The following ADGRA3 variants were observed in gnomAD, a reference collection of about 807,000 sequenced individuals.
The protein encoded by ADGRA3 is G-protein coupled receptor 125.
ADGRA3 carries 56 observed loss-of-function variants against 119.8 expected under a neutral mutation model. The ratio of observed to expected loss-of-function variants is 0.47; its 90% CI spans 0.38 to 0.58. ADGRA3 has a LOEUF of 0.58. Among genes scored for constraint, ADGRA3 ranks in the 20% least tolerant of loss-of-function variants. ADGRA3 has a pLI of 0.00. For synonymous variants in ADGRA3, 607 were observed against 623.8 expected (o/e 0.97, Z 0.40); for missense variants, 1,516 against 1,649.0 (o/e 0.92, Z 1.40).
rs772250586 is a variant in ADGRA3, at chr4:22,388,068, G to T, written c.3603C>A (p.Ser1201Arg). 2 of 1,613,996 alleles carry T rather than the reference G, an allele frequency of 1.2e-6. No individual in the cohort carries two copies. The highest frequency in any genetic ancestry group is 1.7e-5 in the Admixed American group (1 of 59,994). Residue 1201 changes from serine (S) to arginine (R), a missense_variant, in exon 19 of 19, where the codon AGC (serine) becomes AGA (arginine). By Grantham distance (110) the Ser-to-Arg change is moderately radical. Coordinates refer to ENST00000334304, the MANE Select transcript of ADGRA3 (RefSeq NM_145290.4). Reference protein sequence around the residue: ...AYDVPTSVEGSVQNGLPKSRL... With the variant: ...AYDVPTSVEGRVQNGLPKSRL... ...GGCTTTTAGGTAAGCCGTTCTGCAC[G>T]CTTCCTTCCACGCTCGTTGGGACAT...
intron 4 of ADGRA3, among the ~76,000 whole-genome samples, chr4:22,450,760 T>G (rs577558082): frequency 5.9e-5 from 9 of 152,110 alleles, no homozygotes; most frequent in African/African-American, 1.9e-4. Context: ...AATGACTAAG[T>G]TACAATCTGT....
intron 1 of ADGRA3, among the ~76,000 whole-genome samples, chr4:22,495,635 G>A (rs1476401476): frequency 7.9e-5 from 12 of 152,016 alleles, no homozygotes; most frequent in African/African-American, 7.3e-5. Context: ...TAGGCCGGGC[G>A]TGGTGGCTCA....
At position 22,387,851 on chromosome 4, in the gene ADGRA3, G is replaced by A; in HGVS notation, c.3820C>T (p.Leu1274Phe). ...CCATAAGATTTTTGCTGATTTTCAA[G>A]TTCAACCACAGCTGGCTTCCTTAAC... Reference protein sequence around the residue: ...DALRKPAVVELENQQKSYGLN... With the variant: ...DALRKPAVVEFENQQKSYGLN... Residue 1274 changes from leucine (L) to phenylalanine (F), a missense_variant, in exon 19 of 19, where the codon CTT becomes TTT. Leu to Phe is a conservative substitution (Grantham distance 22, BLOSUM62 0). Around this residue, in one of 2 missense-constraint regions of ADGRA3, gnomAD observed 1,088 missense variants for 1,107.1 expected, o/e 0.98. Coordinates refer to ENST00000334304, the MANE Select transcript of ADGRA3 (RefSeq NM_145290.4). The A allele has an allele frequency of 1.9e-6, 3 of 1,614,120 alleles. No individual in the cohort carries two copies. The highest frequency in any genetic ancestry group is 2.5e-6 in the Non-Finnish European group (3 of 1,179,990).
chr4:22,389,275 T>A, intron 17 of ADGRA3, 92 bp from the exon 18 acceptor site: 1 of 819,250 alleles, frequency 1.2e-6, no homozygotes, highest in Middle Eastern at 2.4e-4. Flanking sequence ...AGTCATTCCC[T>A]GAAGATTAAT....
rs894573575 is a variant in ADGRA3 at position 22,488,696 on chromosome 4, A to G, written c.258-14853T>C. ...GGGGACAGAAAGTAACAGTACAGAA[A>G]TACAAAAGCAGACAGACCTGAGTCA... On this transcript the variant is annotated intron_variant, in intron 1 of 18. Transcript: ENST00000334304. Among the ~76,000 whole-genome samples the G allele has an allele frequency of 1.3e-5, 2 of 152,366 alleles. 1 individual carries two copies. Among genetic ancestry groups the G allele is most frequent in the East Asian group, 3.9e-4 (2 of 5,188 alleles).
chr4:22,440,712 C>T (rs775400085), intron 7 of ADGRA3, among the ~76,000 whole-genome samples: 11 of 152,114 alleles, frequency 7.2e-5, no homozygotes, highest in Admixed American at 5.9e-4. Context: ...CAAAGCTCTT[C>T]TACATAGAAA....
At chr4:22,458,879 A>T (rs1419103543) in intron 3 of ADGRA3, among the ~76,000 whole-genome samples, 1 of 152,156 alleles carries the variant, frequency 6.6e-6, no homozygotes, top group Non-Finnish European at 1.5e-5. Context: ...TAGTAGCAAG[A>T]TCTCCTCCAG....
At chr4:22,475,277 T>C (rs554268495) in intron 1 of ADGRA3, among the ~76,000 whole-genome samples, 1 of 152,296 alleles carries the variant, frequency 6.6e-6, no homozygotes, top group African/African-American at 2.4e-5. Context: ...ACATACTCAA[T>C]GAGTATCCAT....
In ADGRA3 at chr4:22,387,877, G is replaced by C. The variant is rs564104204; in HGVS notation, c.3794C>G (p.Ala1265Gly). 1.3e-5 allele frequency: 21 copies of C among 1,613,946 alleles called. No individual in the cohort carries two copies. Among genetic ancestry groups the C allele is most frequent in the Non-Finnish European group, 1.8e-5 (21 of 1,179,994 alleles). The change falls in exon 19 of 19, where the codon GCG becomes GGG. Residue 1265 changes from alanine to glycine, a missense_variant. Transcript: ENST00000334304. ...TTCAACCACAGCTGGCTTCCTTAACGCATCTTTTTTACTAGTGGTTGAAAC... is the reference window on the plus strand; with the variant it reads ...TTCAACCACAGCTGGCTTCCTTAACCCATCTTTTTTACTAGTGGTTGAAAC... ...KPVSTTSKKD[A>G]LRKPAVVELE... is the part of the protein sequence containing the mutation.
chr4:22,424,319 T>C lies in ADGRA3; in HGVS notation c.1477A>G (p.Ile493Val). 2 of 1,613,820 alleles carry C rather than the reference T, an allele frequency of 1.2e-6. No homozygotes were observed. Among genetic ancestry groups the C allele is most frequent in the Non-Finnish European group, 1.7e-6 (2 of 1,179,788 alleles). The change falls in exon 11 of 19, where the codon ATC becomes GTC. Residue 493 changes from isoleucine (I) to valine (V), a missense_variant. By Grantham distance (29) the Ile-to-Val change is conservative. Transcript: ENST00000334304. ...GDVMVDIASNIMLADERVLWL... is the reference protein window; with the variant it reads ...GDVMVDIASNVMLADERVLWL... ...AGGACACGTTCATCAGCCAACATGA[T>C]GTTACTTGCAATGTCAACCATCACG...
chr4:22,390,026 A>C (rs1714044746), intron 17 of ADGRA3, among the ~76,000 whole-genome samples: 1 of 152,054 alleles, frequency 6.6e-6, no homozygotes, highest in Admixed American at 6.6e-5. Context: ...AAATCCTTTA[A>C]CATGATGTTA....
At chr4:22,483,896 T>C (rs1718332934) in intron 1 of ADGRA3, among the ~76,000 whole-genome samples, 2 of 152,190 alleles carry the variant, frequency 1.3e-5, no homozygotes, top group South Asian at 2.1e-4. Flanking sequence ...TCATGTGTCA[T>C]AGAGAACTAT....
chr4:22,429,534 G>A (rs1015492823), intron 10 of ADGRA3, among the ~76,000 whole-genome samples: 3 of 152,048 alleles, frequency 2.0e-5, no homozygotes, highest in Admixed American at 2.0e-4. Context: ...TACAAAGCTA[G>A]AAACTCAAAG....
At chr4:22,412,834 T>C (rs1715263243) in intron 14 of ADGRA3, among the ~76,000 whole-genome samples, 1 of 152,176 alleles carries the variant, frequency 6.6e-6, no homozygotes, top group Non-Finnish European at 1.5e-5. Flanking sequence ...CACTACTCAC[T>C]GTGTATCCTT....
Position 22,413,193 on chromosome 4 carries a change from C to T in ADGRA3, c.2221G>A (p.Ala741Thr). ...AACAACTGCCATACCATTAAAACTG[C>T]ATAGTTACTAAGGGAGTAGCACTGA... is the stretch of plus-strand genomic sequence containing the variant. ...TIQCYSLSNY[A>T]VLMDLTGSEL... is the part of the protein sequence containing the mutation. Residue 741 changes from alanine to threonine, a missense_variant, in exon 14 of 19, where the codon GCA becomes ACA. Around this residue, in one of 2 missense-constraint regions of ADGRA3, gnomAD observed 1,088 missense variants for 1,107.1 expected, o/e 0.98. Transcript: ENST00000334304. 6.2e-7 allele frequency: 1 copy of T among 1,612,086 alleles called. No individual in the cohort carries two copies. Among genetic ancestry groups the T allele is most frequent in the South Asian group, 1.1e-5 (1 of 91,028 alleles).
Position 22,444,840 on chromosome 4 carries a change from T to C in ADGRA3, c.706+133A>G, listed in dbSNP as rs909936957. 1.6e-5 allele frequency: 14 copies of C among 865,314 alleles called. No homozygotes were observed. In the African/African-American group the frequency reaches 1.9e-4, roughly 12 times the overall value. The allele number at this position is 865,314 out of a possible 1,614,324, so 53.6% of individuals were successfully genotyped here. On this transcript the variant is annotated intron_variant, in intron 6 of 18. Coordinates refer to ENST00000334304, the MANE Select transcript of ADGRA3 (RefSeq NM_145290.4). ...AATCGTTGGCATAAACTAAATATTA[T>C]CAAATCCATAATGATTACTGGCTGC...
Position 22,473,855 on chromosome 4 carries a change from C to G in ADGRA3, c.258-12G>C. ...TGTTACTCAGAATCCTAAAAAATAC[C>G]AAAAAAATAATAAGTTGCCTAATAT... On this transcript the variant is annotated splice_polypyrimidine_tract_variant and intron_variant, in intron 1 of 18. Transcript: ENST00000334304. The G allele has an allele frequency of 6.4e-7, 1 of 1,559,696 alleles. No homozygotes were observed. The highest frequency in any genetic ancestry group is 8.8e-7 in the Non-Finnish European group (1 of 1,137,894).
chr4:22,414,552 T>C, intron 12 of ADGRA3: 1 of 683,384 alleles, frequency 1.5e-6, no homozygotes, highest in Non-Finnish European at 2.6e-6. Flanking sequence ...TTGTACAATC[T>C]TTTTCTTGGC....
intron 8 of ADGRA3, 46 bp downstream of exon 8, chr4:22,438,210 A>G (rs1194285378): frequency 1.0e-5 from 16 of 1,537,522 alleles, no homozygotes; most frequent in Non-Finnish European, 1.4e-5. Flanking sequence ...CAACAGAAGG[A>G]TCTGGGACAA....
Sources: gnomAD v4.1 joint callset for allele counts (sites outside exome capture counted in the v4.1 genomes callset) on GRCh38, gnomAD v4.1.1 for gene constraint, gnomAD v4.1.1 regional missense constraint, MANE v1.5 for transcripts, NCBI Gene and HGNC (gene_info 2026-07-23, HGNC 2026-07-21) for gene names.